TLN2: variants seen among roughly 807,000 people sequenced by gnomAD.
TLN2 encodes the protein talin 2.
TLN2 carries 118 observed loss-of-function variants against 294.7 expected under a neutral mutation model. That is an observed-to-expected ratio of 0.40 (90% CI 0.34 to 0.47). The LOEUF is 0.47. TLN2 is among the 20% of genes least tolerant of loss of function. The pLI is 0.84. For synonymous variants in TLN2, 1,431 were observed against 1,304.5 expected (o/e 1.10, Z -2.09); for missense variants, 3,083 against 3,282.2 (o/e 0.94, Z 1.48).
chr15:62,720,648 GGTGTGT>G (rs5813167), intron 25 of TLN2, among the ~76,000 whole-genome samples: 3,146 of 148,958 alleles, frequency 0.021, 67 homozygotes, highest in African/African-American at 0.052. Flanking sequence ...ATACAACACA[GGTGTGT>G]GTGTGTGTGT....
At chr15:62,731,011 A>G (rs972941239) in intron 28 of TLN2, among the ~76,000 whole-genome samples, 3 of 152,052 alleles carry the variant, frequency 2.0e-5, no homozygotes, top group African/African-American at 7.2e-5. Context: ...CTTTAATCTC[A>G]GTATCCGCTT....
chr15:62,601,377 G>A (rs181045388), intron 2 of TLN2, among the ~76,000 whole-genome samples: 3 of 152,150 alleles, frequency 2.0e-5, no homozygotes, highest in African/African-American at 2.4e-5. Flanking sequence ...TTTGGTGGTC[G>A]GTTTCCCATT....
At chr15:62,496,474 A>G (rs757863092) in intron 1 of TLN2, among the ~76,000 whole-genome samples, 1 of 152,090 alleles carries the variant, frequency 6.6e-6, no homozygotes, top group Non-Finnish European at 1.5e-5. Flanking sequence ...AAGACTGTCT[A>G]CCTTCCTCAC....
chr15:62,759,199 G>A (rs2062501888), intron 37 of TLN2, among the ~76,000 whole-genome samples: 1 of 152,188 alleles, frequency 6.6e-6, no homozygotes, highest in East Asian at 1.9e-4. Context: ...TTACTTGAGT[G>A]GCTCTGCTGT....
chr15:62,453,824 G>T (rs939125728), intron 1 of TLN2: 1 of 152,480 alleles, frequency 6.6e-6, no homozygotes, highest in African/African-American at 2.4e-5. Context: ...TTGGGTCTAG[G>T]TTCCTGTGGC....
At chr15:62,757,880 T>C (rs1730211254) in intron 37 of TLN2, among the ~76,000 whole-genome samples, 1 of 152,166 alleles carries the variant, frequency 6.6e-6, no homozygotes. Flanking sequence ...CTGGGAGCCA[T>C]GAGCTTTGCT....
intron 1 of TLN2, among the ~76,000 whole-genome samples, chr15:62,481,798 CTTTTTTT>C (rs60002079): frequency 1.6e-4 from 18 of 115,746 alleles, no homozygotes; most frequent in East Asian, 1.1e-3. Context: ...TTCTTTCTTT[CTTTTTTT>C]TTTTTTTTTT....
chr15:62,782,774 T>G (rs1484310402), intron 44 of TLN2, among the ~76,000 whole-genome samples: 1 of 152,208 alleles, frequency 6.6e-6, no homozygotes, highest in Non-Finnish European at 1.5e-5. Context: ...GGGTGGACAT[T>G]CCTGTCCTGC....
chr15:62,711,689 G>A (rs1244057174), intron 21 of TLN2, among the ~76,000 whole-genome samples: 2 of 152,196 alleles, frequency 1.3e-5, no homozygotes, highest in East Asian at 1.9e-4. Flanking sequence ...ATAGTGAAAG[G>A]TTGAACCTGG....
At chr15:62,566,935 G>C (rs1567111455) in intron 1 of TLN2, among the ~76,000 whole-genome samples, 1 of 151,892 alleles carries the variant, frequency 6.6e-6, no homozygotes, top group Non-Finnish European at 1.5e-5. Flanking sequence ...TACAGAATTA[G>C]AAAGTAAAAG....
chr15:62,423,223 G>C (rs750420098), intron 1 of TLN2, among the ~76,000 whole-genome samples: 2 of 152,132 alleles, frequency 1.3e-5, no homozygotes, highest in Admixed American at 1.3e-4. Context: ...GCGACACCTC[G>C]TCTCTACAAA....
chr15:62,722,248 G>A (rs1331997825), intron 25 of TLN2, 105 bp from the exon 26 acceptor site: 2 of 1,299,770 alleles, frequency 1.5e-6, no homozygotes, highest in African/African-American at 2.9e-5. Flanking sequence ...CTTTTTTTTA[G>A]GACAAAATCA....
intron 54 of TLN2, among the ~76,000 whole-genome samples, chr15:62,824,751 C>A (rs2067888009): frequency 6.6e-6 from 1 of 152,152 alleles, no homozygotes; most frequent in South Asian, 2.1e-4. Flanking sequence ...ATATAGAAAA[C>A]ATTTTTTCTG....
At chr15:62,458,303 G>A (rs1185229044) in intron 1 of TLN2, among the ~76,000 whole-genome samples, 1 of 152,222 alleles carries the variant, frequency 6.6e-6, no homozygotes. Flanking sequence ...GCTGCCCGCC[G>A]CCTCTCCCTG....
Position 62,763,711 on chromosome 15 carries a change from G to A in TLN2, c.5094+16G>A, listed in dbSNP as rs767542840. On this transcript the variant is annotated intron_variant, in intron 40 of 58. Coordinates refer to ENST00000636159, the MANE Select transcript of TLN2 (RefSeq NM_015059.3). ...CTCTGTGGAGGTAAGCTGGGAATCT[G>A]GGGGCCTGCTTAGTCGCCTCTAGAT... 159 of 1,592,432 alleles carry A rather than the reference G, an allele frequency of 1.0e-4. No individual in the cohort carries two copies. Among genetic ancestry groups the A allele is most frequent in the Non-Finnish European group, 1.3e-4 (156 of 1,167,786 alleles).
At chr15:62,439,655 C>T (rs1451359336) in intron 1 of TLN2, among the ~76,000 whole-genome samples, 2 of 152,166 alleles carry the variant, frequency 1.3e-5, no homozygotes. Flanking sequence ...CCACCAGCCT[C>T]TGGAAGCCCC....
intron 3 of TLN2, chr15:62,644,481 C>T (rs533730702): frequency 1.0e-4 from 46 of 455,988 alleles, no homozygotes; most frequent in South Asian, 4.2e-4. Context: ...ATTCTATATT[C>T]CACCTCTCCA....
At chr15:62,395,925 T>G (rs551708457) in intron 1 of TLN2, among the ~76,000 whole-genome samples, 42 of 152,284 alleles carry the variant, frequency 2.8e-4, no homozygotes, top group Middle Eastern at 3.4e-3. Flanking sequence ...AACCTCTGTC[T>G]CCTGGGTTCA....
chr15:62,665,456 A>T (rs987560396), intron 9 of TLN2, among the ~76,000 whole-genome samples: 1 of 152,222 alleles, frequency 6.6e-6, no homozygotes, highest in Non-Finnish European at 1.5e-5. Flanking sequence ...AGGCAAAAGT[A>T]ATAGGCACTG....
Sources: gnomAD v4.1 joint callset for allele counts (sites outside exome capture counted in the v4.1 genomes callset) on GRCh38, gnomAD v4.1.1 for gene constraint, MANE v1.5 for transcripts, NCBI Gene and HGNC (gene_info 2026-07-23, HGNC 2026-07-21) for gene names.